The following LRRTM4 variants were observed in gnomAD, a reference collection of about 807,000 sequenced individuals.
LRRTM4 encodes the protein leucine-rich repeat transmembrane neuronal protein 4.
In LRRTM4, 25 loss-of-function variants were observed where a neutral mutation model predicts 47.6. That is an observed-to-expected ratio of 0.53 (90% CI 0.38 to 0.73). The LOEUF is 0.73. Ranked by LOEUF, LRRTM4 falls within the 30% of genes least tolerant of loss-of-function variation. The pLI, the probability that LRRTM4 is intolerant of heterozygous loss-of-function variation, is 0.00. For missense variants in LRRTM4, 638 were observed against 713.4 expected (o/e 0.89, Z 1.20); for synonymous variants, 311 against 269.5 (o/e 1.15, Z -1.51).
chr2:77,159,471 T>C lies in LRRTM4; in HGVS notation c.1551+358847A>G, dbSNP rs139032584. On this transcript the variant is annotated intron_variant, in intron 3 of 3. Transcript: ENST00000409884. ...CACCAACATGGCACACATATACATATGTAACAAACCTGCATGTTGTGCACA... is the reference window on the plus strand; with the variant it reads ...CACCAACATGGCACACATATACATACGTAACAAACCTGCATGTTGTGCACA... 1.4e-4 allele frequency among the ~76,000 whole-genome samples: 21 copies of C among 148,328 alleles called. No individual in the cohort carries two copies. The East Asian group carries it at 4.2e-3, about 30-fold the overall frequency.
chr2:76,919,839 T>C (rs1573314253), intron 3 of LRRTM4, among the ~76,000 whole-genome samples: 1 of 152,312 alleles, frequency 6.6e-6, no homozygotes, highest in Middle Eastern at 3.4e-3. Context: ...AAGTCTTACA[T>C]ATGACGGGTC....
rs1362814208 is a variant in LRRTM4, at chr2:76,748,612, C to T, written c.*83G>A. ...GGAACGATGAGCTTGCTCGATTGCG[C>T]GATTGTGGACACCCATTCTCCTTTA... On this transcript the variant is annotated 3_prime_UTR_variant, in exon 4 of 4. Transcript: ENST00000409884. 5.4e-6 allele frequency: 6 copies of T among 1,106,488 alleles called. No individual in the cohort carries two copies. Among genetic ancestry groups the T allele is most frequent in the South Asian group, 2.7e-5 (2 of 74,026 alleles). The allele number at this position is 1,106,488 out of a possible 1,614,324, so 68.5% of individuals were successfully genotyped here. A position where few individuals can be genotyped will look rare whatever the true frequency, so the allele number is the denominator to read the frequency against.
At chr2:76,867,805 T>C (rs1672508271) in intron 3 of LRRTM4, among the ~76,000 whole-genome samples, 2 of 152,170 alleles carry the variant, frequency 1.3e-5, no homozygotes, top group African/African-American at 4.8e-5. Flanking sequence ...ATATTTTCTA[T>C]CAGGTACACC....
intron 3 of LRRTM4, among the ~76,000 whole-genome samples, chr2:76,996,827 A>G (rs1470507): frequency 0.57 from 86,678 of 151,844 alleles, 26,983 homozygotes; most frequent in African/African-American, 0.82. Flanking sequence ...TTGACATAAC[A>G]GAGTTATTGG....
intron 3 of LRRTM4, among the ~76,000 whole-genome samples, chr2:77,223,320 A>T (rs1015081280): frequency 3.3e-5 from 5 of 152,182 alleles, no homozygotes; most frequent in African/African-American, 1.2e-4. Flanking sequence ...GGCCTCTCTC[A>T]CCACTCCTAT....
chr2:76,784,661 C>T (rs1392496735), intron 3 of LRRTM4, among the ~76,000 whole-genome samples: 1 of 152,054 alleles, frequency 6.6e-6, no homozygotes, highest in African/African-American at 2.4e-5. Flanking sequence ...GTAATGTTCT[C>T]TTTATTTCAT....
intron 3 of LRRTM4, among the ~76,000 whole-genome samples, chr2:77,071,380 T>C (rs1680150833): frequency 6.6e-6 from 1 of 152,184 alleles, no homozygotes. Context: ...CCAATATGCA[T>C]TATTATAATA....
chr2:76,813,817 G>A (rs140174648), intron 3 of LRRTM4, among the ~76,000 whole-genome samples: 15 of 152,212 alleles, frequency 9.9e-5, no homozygotes, highest in South Asian at 2.1e-4. Flanking sequence ...TAGAGTTCCC[G>A]TATTGCACAC....
At chr2:77,202,270 T>C (rs1244192979) in intron 3 of LRRTM4, among the ~76,000 whole-genome samples, 1 of 152,170 alleles carries the variant, frequency 6.6e-6, no homozygotes, top group African/African-American at 2.4e-5. Flanking sequence ...TGCTGATGAT[T>C]ATATTATCTT....
chr2:77,000,880 G>T (rs1677398363), intron 3 of LRRTM4, among the ~76,000 whole-genome samples: 1 of 152,020 alleles, frequency 6.6e-6, no homozygotes, highest in East Asian at 1.9e-4. Context: ...GCAACACCTT[G>T]ATTCTTGTAC....
intron 3 of LRRTM4, among the ~76,000 whole-genome samples, chr2:77,135,811 A>G (rs1297907237): frequency 6.6e-6 from 1 of 152,146 alleles, no homozygotes; most frequent in African/African-American, 2.4e-5. Context: ...TGTGAAAACC[A>G]CAAGGAAATA....
chr2:77,488,481 T>A (rs1041075727), intron 3 of LRRTM4, among the ~76,000 whole-genome samples: 2 of 152,144 alleles, frequency 1.3e-5, no homozygotes, highest in Admixed American at 6.5e-5. Flanking sequence ...ATGGGTGGAA[T>A]GAAGCCAGTG....
At chr2:76,769,372 ATT>A (rs1205464937) in intron 3 of LRRTM4, among the ~76,000 whole-genome samples, 1 of 152,172 alleles carries the variant, frequency 6.6e-6, no homozygotes, top group African/African-American at 2.4e-5. Context: ...TTTGGAAGAT[ATT>A]TAAGGCCTGC....
chr2:77,274,080 T>C (rs907202688), intron 3 of LRRTM4, among the ~76,000 whole-genome samples: 1 of 152,100 alleles, frequency 6.6e-6, no homozygotes, highest in African/African-American at 2.4e-5. Flanking sequence ...TGCCACATTT[T>C]ATATTTCCAA....
intron 3 of LRRTM4, among the ~76,000 whole-genome samples, chr2:76,796,433 G>A (rs1030763948): frequency 3.8e-5 from 5 of 132,904 alleles, no homozygotes; most frequent in African/African-American, 1.5e-4. Context: ...CAGCTTTGAA[G>A]AGAGCTGTGG....
intron 3 of LRRTM4, among the ~76,000 whole-genome samples, chr2:76,789,950 G>A (rs1674886471): frequency 6.6e-6 from 1 of 152,120 alleles, no homozygotes; most frequent in African/African-American, 2.4e-5. Context: ...CAGTCCCCAG[G>A]ACAACGGGTT....
intron 3 of LRRTM4, among the ~76,000 whole-genome samples, chr2:77,267,364 G>A (rs1676076525): frequency 6.6e-6 from 1 of 152,150 alleles, no homozygotes; most frequent in Non-Finnish European, 1.5e-5. Context: ...CTGCAGGTTT[G>A]CTGTCTGGTT....
At chr2:76,891,068 C>T (rs1193058199) in intron 3 of LRRTM4, among the ~76,000 whole-genome samples, 1 of 151,550 alleles carries the variant, frequency 6.6e-6, no homozygotes, top group African/African-American at 2.4e-5. Context: ...TAAGGTCCCA[C>T]TTCAGAAAAA....
intron 3 of LRRTM4, among the ~76,000 whole-genome samples, chr2:77,092,167 C>G (rs1670664740): frequency 6.6e-6 from 1 of 152,150 alleles, no homozygotes; most frequent in South Asian, 2.1e-4. Flanking sequence ...CCGGCTCCTT[C>G]AGCTGTACTC....
Sources: gnomAD v4.1 joint callset for allele counts (sites outside exome capture counted in the v4.1 genomes callset) on GRCh38, gnomAD v4.1.1 for gene constraint, MANE v1.5 for transcripts, NCBI Gene and HGNC (gene_info 2026-07-23, HGNC 2026-07-21) for gene names.